Variants in DLGAP1 observed in about 807,000 individuals in gnomAD.
The protein encoded by DLGAP1 is disks large-associated protein 1.
DLGAP1 carries 11 observed loss-of-function variants against 90.8 expected under a neutral mutation model. The observed-to-expected ratio is 0.12, with a 90% CI of 0.08 to 0.20. The LOEUF is 0.20. Among genes scored for constraint, DLGAP1 ranks in the 10% least tolerant of loss-of-function variants. The pLI, the probability that DLGAP1 is intolerant of heterozygous loss-of-function variation, is 1.00. For synonymous variants in DLGAP1, 558 were observed against 540.7 expected (o/e 1.03, Z -0.44); for missense variants, 1,050 against 1,333.8 (o/e 0.79, Z 3.31).
intron 7 of DLGAP1, among the ~76,000 whole-genome samples, chr18:3,700,800 G>A (rs1407112729): frequency 6.6e-6 from 1 of 151,890 alleles, no homozygotes; most frequent in East Asian, 1.9e-4. Flanking sequence ...TGGTAAAGAC[G>A]GGGTTTCACC....
chr18:4,080,797 T>A (rs1384842002), intron 2 of DLGAP1, among the ~76,000 whole-genome samples: 1 of 152,122 alleles, frequency 6.6e-6, no homozygotes, highest in Non-Finnish European at 1.5e-5. Flanking sequence ...ATTCTTTCTG[T>A]AACCTCAAGG....
intron 1 of DLGAP1, among the ~76,000 whole-genome samples, chr18:4,238,101 T>C (rs568408059): frequency 6.6e-6 from 1 of 152,298 alleles, no homozygotes; most frequent in East Asian, 1.9e-4. Flanking sequence ...TTTTGGAGCA[T>C]TTTAGATGTC....
At chr18:4,105,900 C>G (rs531388997) in intron 2 of DLGAP1, among the ~76,000 whole-genome samples, 9 of 151,882 alleles carry the variant, frequency 5.9e-5, no homozygotes, top group African/African-American at 2.2e-4. Context: ...GGCGTGGTGG[C>G]GGGCACCTGT....
intron 4 of DLGAP1, among the ~76,000 whole-genome samples, chr18:3,875,386 A>G (rs2070972144): frequency 6.6e-6 from 1 of 152,240 alleles, no homozygotes; most frequent in Non-Finnish European, 1.5e-5. Context: ...ATAAAACTAA[A>G]GTAAATAATA....
intron 2 of DLGAP1, among the ~76,000 whole-genome samples, chr18:4,011,417 C>A (rs2074419020): frequency 1.3e-5 from 2 of 152,044 alleles, no homozygotes; most frequent in South Asian, 4.1e-4. Flanking sequence ...AGGGGATGTG[C>A]ATATTTCAGA....
At chr18:4,060,564 A>G (rs1417655925) in intron 2 of DLGAP1, among the ~76,000 whole-genome samples, 2 of 152,188 alleles carry the variant, frequency 1.3e-5, no homozygotes, top group African/African-American at 2.4e-5. Context: ...CAAACTGAGC[A>G]ATATCTTGAG....
At chr18:4,060,018 T>C (rs1423884304) in intron 2 of DLGAP1, among the ~76,000 whole-genome samples, 1 of 152,134 alleles carries the variant, frequency 6.6e-6, no homozygotes, top group African/African-American at 2.4e-5. Flanking sequence ...ATGGAATTAG[T>C]GGGAAAAAGC....
At position 4,355,742 on chromosome 18, in the gene DLGAP1, CTTT is replaced by C. The variant is rs56040788; in HGVS notation, c.-267+99261_-267+99263del. Among the ~76,000 whole-genome samples, 1,101 of 124,704 alleles carry C rather than the reference CTTT, an allele frequency of 8.8e-3. 13 individuals are homozygous for C. The highest frequency in any genetic ancestry group is 0.027 in the African/African-American group (906 of 33,920). The allele number at this position is 124,704 out of a possible 152,430, so 81.8% of individuals were successfully genotyped here. The stretch of plus-strand genomic sequence containing the variant: ...AAAGTTACATGGGACAATCCGGGAT[CTTT>C]TTTTTTTTTTTTTTTGCAATTTTTT... On this transcript the variant is annotated intron_variant, in intron 1 of 12. Transcript: ENST00000315677.
chr18:3,856,284 G>C (rs1467208545), intron 4 of DLGAP1, among the ~76,000 whole-genome samples: 2 of 152,212 alleles, frequency 1.3e-5, no homozygotes, highest in Non-Finnish European at 2.9e-5. Context: ...GAAAGAGAAT[G>C]AACTCAACGG....
rs1206168990 is a variant in DLGAP1, at chr18:3,775,811, A to T, written c.1173-33299T>A. ...ACTTTCAGTCCAGAAAGTGAACATT[A>T]GTTATATTCCAGAGGCTTGCTACCT... On this transcript the variant is annotated intron_variant, in intron 5 of 12. Transcript: ENST00000315677. The surrounding 1 kb of genome is among the most constrained non-coding windows in gnomAD (Gnocchi z 4.9). 6.6e-6 allele frequency among the ~76,000 whole-genome samples: 1 copy of T among 152,226 alleles called. No homozygotes were observed. Among genetic ancestry groups the T allele is most frequent in the African/African-American group, 2.4e-5 (1 of 41,458 alleles).
chr18:3,987,518 G>A (rs954584335), intron 3 of DLGAP1, among the ~76,000 whole-genome samples: 2 of 152,156 alleles, frequency 1.3e-5, no homozygotes, highest in Admixed American at 1.3e-4. Flanking sequence ...ACCAGGCATC[G>A]TTCCAAGTGC....
At chr18:4,261,434 T>C (rs1450598938) in intron 1 of DLGAP1, among the ~76,000 whole-genome samples, 1 of 152,154 alleles carries the variant, frequency 6.6e-6, no homozygotes, top group Non-Finnish European at 1.5e-5. Flanking sequence ...TGTGTCTCCA[T>C]GCTATTTTGC....
At chr18:4,429,888 G>C (rs963441171) in intron 1 of DLGAP1, among the ~76,000 whole-genome samples, 7 of 152,164 alleles carry the variant, frequency 4.6e-5, no homozygotes, top group Non-Finnish European at 1.0e-4. Context: ...AATATGATCA[G>C]TGTGCATCAG....
At chr18:4,340,907 C>T (rs758179784) in intron 1 of DLGAP1, among the ~76,000 whole-genome samples, 7,594 of 152,048 alleles carry the variant, frequency 0.05, 197 homozygotes, top group African/African-American at 0.07. Context: ...AAAAATACTT[C>T]TATTACTAAA....
chr18:4,344,913 G>A (rs1350639109), intron 1 of DLGAP1, among the ~76,000 whole-genome samples: 2 of 152,144 alleles, frequency 1.3e-5, no homozygotes, highest in Non-Finnish European at 2.9e-5. Flanking sequence ...TGCAAAAGTT[G>A]TTACACATTT....
At chr18:4,173,418 C>T (rs1393702862) in intron 1 of DLGAP1, among the ~76,000 whole-genome samples, 4 of 152,092 alleles carry the variant, frequency 2.6e-5, no homozygotes, top group Admixed American at 2.6e-4. Context: ...TCTTTATGAT[C>T]GGTAGAGACG....
chr18:4,202,242 G>T (rs1295522588), intron 1 of DLGAP1, among the ~76,000 whole-genome samples: 1 of 152,056 alleles, frequency 6.6e-6, no homozygotes, highest in East Asian at 1.9e-4. Context: ...CCTAAGTGAA[G>T]TAACTCAGGA....
chr18:4,257,138 A>G (rs1190956168), intron 1 of DLGAP1, among the ~76,000 whole-genome samples: 1 of 152,244 alleles, frequency 6.6e-6, no homozygotes, highest in Non-Finnish European at 1.5e-5. Flanking sequence ...ATAATTGTGT[A>G]AACCACTAAT....
chr18:4,424,909 ATTGT>A (rs2083119561), intron 1 of DLGAP1, among the ~76,000 whole-genome samples: 1 of 152,086 alleles, frequency 6.6e-6, no homozygotes, highest in Non-Finnish European at 1.5e-5. Flanking sequence ...CATTTACTGC[ATTGT>A]TTATTCCACT....
Sources: allele counts gnomAD v4.1 joint callset (sites outside exome capture counted in the v4.1 genomes callset), GRCh38; gene constraint gnomAD v4.1.1; non-coding constraint Gnocchi (gnomAD v3.1); transcripts MANE v1.5; gene names NCBI Gene and HGNC (gene_info 2026-07-23, HGNC 2026-07-21).